The following SMIM27 variants were observed in gnomAD, a reference collection of about 807,000 sequenced individuals.
SMIM27 encodes TOPORS antisense RNA 1 (non-protein coding).
SMIM27 carries 3 observed loss-of-function variants against 1.8 expected under a neutral mutation model. The ratio of observed to expected loss-of-function variants is 1.65; its 90% CI spans 0.75 to 4.28. SMIM27 has a LOEUF of 4.28. Among genes scored for constraint, SMIM27 ranks in the 30% most tolerant of loss-of-function variants. The pLI is 0.02. For missense variants in SMIM27, 63 were observed against 37.0 expected, an observed-to-expected ratio of 1.70 and a Z score of -1.83; for synonymous variants, 19 against 13.9, an observed-to-expected ratio of 1.37 and a Z score of -0.82.
At chr9:32,559,899 T>C (rs1238195663) in intron 1 of SMIM27, among the ~76,000 whole-genome samples, 2 of 152,198 alleles carry the variant, frequency 1.3e-5, no homozygotes, top group Non-Finnish European at 2.9e-5. Flanking sequence ...GCCTTGCACA[T>C]AAGAGGTACT....
downstream of SMIM27, among the ~76,000 whole-genome samples, chr9:32,554,752 G>C (rs1821408527): frequency 6.6e-6 from 1 of 152,206 alleles, no homozygotes; most frequent in African/African-American, 2.4e-5. Context: ...TCATTGCCTT[G>C]AAGTGGCACT....
At position 32,552,359 on chromosome 9, in the gene SMIM27, G is replaced by A. The variant is rs757828056; in HGVS notation, c.-76G>A. The A allele has an allele frequency of 2.2e-5, 35 of 1,578,908 alleles. No individual in the cohort carries two copies. Among genetic ancestry groups the A allele is most frequent in the African/African-American group, 4.0e-5 (3 of 74,258 alleles). On this transcript the variant is annotated 5_prime_UTR_variant, in exon 1 of 2. It introduces an in-frame stop codon into an upstream open reading frame of the 5' UTR. Transcript: ENST00000692500. ...GCTAAAAGATGGCTGCTGGCGCCTG[G>A]CAGCCACCGCCTGGGAGGTTACTGT...
At chr9:32,553,688 T>C, downstream of SMIM27, 1 of 543,672 alleles carries the variant, frequency 1.8e-6, no homozygotes, top group South Asian at 2.4e-5. Flanking sequence ...GTCTCTCATA[T>C]TTGTTTAGCA....
chr9:32,554,032 A>G, downstream of SMIM27: 1 of 793,744 alleles, frequency 1.3e-6, no homozygotes, highest in Non-Finnish European at 2.0e-6. Context: ...CAGATCTCAC[A>G]TGGAAAATGT....
At chr9:32,564,905 T>C (rs1452223757) in intron 1 of SMIM27, among the ~76,000 whole-genome samples, 1 of 152,224 alleles carries the variant, frequency 6.6e-6, no homozygotes, top group African/African-American at 2.4e-5. Context: ...CTCACCATTT[T>C]TGGCCTAGAA....
At chr9:32,562,346 G>T (rs1490168395) in intron 1 of SMIM27, among the ~76,000 whole-genome samples, 2 of 152,126 alleles carry the variant, frequency 1.3e-5, no homozygotes, top group Non-Finnish European at 2.9e-5. Flanking sequence ...TTAGTACACG[G>T]AACAAAGATG....
chr9:32,553,380 G>A (rs755665024), downstream of SMIM27: 3 of 171,516 alleles, frequency 1.7e-5, no homozygotes, highest in Non-Finnish European at 3.8e-5. Flanking sequence ...TAGTAGGGAC[G>A]GGGTTTCACT....
At chr9:32,561,187 G>A (rs539519031) in intron 1 of SMIM27, among the ~76,000 whole-genome samples, 23 of 152,246 alleles carry the variant, frequency 1.5e-4, no homozygotes, top group Admixed American at 1.2e-3. Flanking sequence ...GTGTTGGTTT[G>A]TAATGTGAAA....
At chr9:32,552,672 C>T in intron 1 of SMIM27, 129 bp from the exon 2 acceptor site, 1 of 656,248 alleles carries the variant, frequency 1.5e-6, no homozygotes, top group East Asian at 2.7e-5. Flanking sequence ...TGGGTGTACC[C>T]GCCACTGGAA....
chr9:32,566,275 A>T (rs1211185620), intron 1 of SMIM27: 1 of 1,141,950 alleles, frequency 8.8e-7, no homozygotes, highest in Non-Finnish European at 1.3e-6. Flanking sequence ...AGGTTCTCTG[A>T]GGTAGAAAGC....
intron 1 of SMIM27, among the ~76,000 whole-genome samples, chr9:32,564,516 TA>T (rs145304800): frequency 6.6e-6 from 1 of 151,434 alleles, no homozygotes; most frequent in Admixed American, 6.6e-5. Flanking sequence ...TACACTTTTT[TA>T]AAAAAAAGTA....
chr9:32,566,858 C>T, exon 2 of SMIM27: 1 of 722,292 alleles, frequency 1.4e-6, no homozygotes, highest in Non-Finnish European at 2.3e-6. Flanking sequence ...TGCCGGGCGG[C>T]CTGGATGAGC....
chr9:32,559,859 T>C (rs1165879734), intron 1 of SMIM27, among the ~76,000 whole-genome samples: 1 of 152,228 alleles, frequency 6.6e-6, no homozygotes, highest in Non-Finnish European at 1.5e-5. Flanking sequence ...TCTGCTCTGT[T>C]CACTGCTGTA....
intron 1 of SMIM27, among the ~76,000 whole-genome samples, chr9:32,562,692 TTACAA>T (rs1253460832): frequency 5.3e-5 from 8 of 152,186 alleles, no homozygotes; most frequent in Admixed American, 3.3e-4. Context: ...CTTAAAATAA[TTACAA>T]TACAACTATC....
At chr9:32,557,854 C>T (rs1358993653), downstream of SMIM27, among the ~76,000 whole-genome samples, 1 of 152,172 alleles carries the variant, frequency 6.6e-6, no homozygotes, top group Non-Finnish European at 1.5e-5. Context: ...TAAAATTCCC[C>T]TGTTGCAACA....
chr9:32,563,260 CTT>C (rs893729582), intron 1 of SMIM27, among the ~76,000 whole-genome samples: 10 of 152,122 alleles, frequency 6.6e-5, no homozygotes, highest in African/African-American at 2.2e-4. Context: ...CAAAGATACT[CTT>C]TCTCTCTTTG....
At chr9:32,551,412 C>T (rs1821255879), upstream of SMIM27, 4 of 323,844 alleles carry the variant, frequency 1.2e-5, no homozygotes, top group Non-Finnish European at 2.4e-5. Flanking sequence ...CCAACGGGAT[C>T]CCAAACCAGA....
intron 1 of SMIM27, among the ~76,000 whole-genome samples, chr9:32,558,446 T>C (rs1193174203): frequency 2.6e-5 from 4 of 152,218 alleles, no homozygotes; most frequent in African/African-American, 9.6e-5. Flanking sequence ...TTAGTGGATA[T>C]TAAATTCACA....
At chr9:32,556,216 C>T (rs1821450433), downstream of SMIM27, among the ~76,000 whole-genome samples, 1 of 152,224 alleles carries the variant, frequency 6.6e-6, no homozygotes, top group Admixed American at 6.5e-5. Flanking sequence ...GTAGCAGAAA[C>T]TCCATGAACA....
Sources: allele counts gnomAD v4.1 joint callset (sites outside exome capture counted in the v4.1 genomes callset), GRCh38; gene constraint gnomAD v4.1.1; transcripts MANE v1.5; gene names NCBI Gene and HGNC (gene_info 2026-07-23, HGNC 2026-07-21).